PDS5B: variants seen among roughly 807,000 people sequenced by gnomAD.
PDS5B encodes sister chromatid cohesion protein PDS5 homolog B.
A neutral mutation model predicts 184.1 loss-of-function variants in PDS5B; 51 were observed. The observed-to-expected ratio is 0.28, with a 90% CI of 0.22 to 0.35. The LOEUF (loss-of-function observed/expected upper bound fraction) is 0.35, where lower values mean the gene tolerates loss of function less well. Among genes scored for constraint, PDS5B ranks in the 10% least tolerant of loss-of-function variants. The pLI, the probability that PDS5B is intolerant of heterozygous loss-of-function variation, is 1.00. For missense variants in PDS5B, 1,180 were observed against 1,723.3 expected (o/e 0.68, Z 5.58); for synonymous variants, 566 against 569.2 (o/e 0.99, Z 0.08).
chr13:32,771,439 T>G (rs1954781858), intron 33 of PDS5B, among the ~76,000 whole-genome samples: 1 of 152,190 alleles, frequency 6.6e-6, no homozygotes, highest in Non-Finnish European at 1.5e-5. Flanking sequence ...TCCTTAGTTA[T>G]GTGAGTGGAA....
chr13:32,675,001 A>G (rs934175582), intron 8 of PDS5B, among the ~76,000 whole-genome samples: 4 of 150,798 alleles, frequency 2.7e-5, no homozygotes, highest in African/African-American at 9.8e-5. Context: ...CAGGCTTGAG[A>G]TATAATTACT....
At chr13:32,672,600 T>C (rs888722040) in intron 7 of PDS5B, among the ~76,000 whole-genome samples, 1 of 152,182 alleles carries the variant, frequency 6.6e-6, no homozygotes, top group African/African-American at 2.4e-5. Flanking sequence ...CTTGAGAACC[T>C]AGCAGGGGAC....
In PDS5B at chr13:32,770,518, C is replaced by G; in HGVS notation, c.4022C>G (p.Ser1341Cys). 6.2e-7 allele frequency: 1 copy of G among 1,609,818 alleles called. No individual in the cohort carries two copies. The change falls in exon 32 of 35, where the codon TCC becomes TGC. Residue 1341 changes from serine (S) to cysteine (C), a missense_variant. Ser to Cys is a moderately radical substitution (Grantham distance 112). This residue lies in a region of PDS5B where 465 missense variants were observed against 497.8 expected (regional missense o/e 0.93). Transcript: ENST00000315596. ...CAAAGTGGAAATACGGAACAGAAGT[C>G]CAAAAGCAAACAGCACCGAGTGTCA... ...ERQSGNTEQK[S>C]KSKQHRVSRR...
chr13:32,697,234 T>C (rs901473004), intron 15 of PDS5B, among the ~76,000 whole-genome samples: 5 of 152,228 alleles, frequency 3.3e-5, no homozygotes, highest in Non-Finnish European at 1.5e-5. Context: ...TGAAAAAATA[T>C]TAATTTGCTT....
At chr13:32,727,584 G>A (rs1952954308) in intron 19 of PDS5B, among the ~76,000 whole-genome samples, 1 of 151,792 alleles carries the variant, frequency 6.6e-6, no homozygotes, top group Non-Finnish European at 1.5e-5. Flanking sequence ...TATAATTTTA[G>A]GTTTACAGTG....
intron 10 of PDS5B, among the ~76,000 whole-genome samples, chr13:32,681,232 T>C (rs1218645678): frequency 6.6e-6 from 1 of 152,166 alleles, no homozygotes; most frequent in Non-Finnish European, 1.5e-5. Flanking sequence ...CTTTCTCCCC[T>C]AGCTGAAATA....
intron 9 of PDS5B, 110 bp from the exon 10 acceptor site, chr13:32,678,725 C>T (rs1951143915): frequency 3.0e-6 from 2 of 657,620 alleles, no homozygotes; most frequent in Admixed American, 2.6e-5. Flanking sequence ...TTGCATTTTC[C>T]TTCATAAACT....
At chr13:32,601,185 T>A (rs2057968746) in intron 1 of PDS5B, among the ~76,000 whole-genome samples, 1 of 152,348 alleles carries the variant, frequency 6.6e-6, no homozygotes, top group Non-Finnish European at 1.5e-5. Flanking sequence ...ATTGCTTTCC[T>A]CTGTTTTCAA....
intron 7 of PDS5B, among the ~76,000 whole-genome samples, chr13:32,669,067 G>A (rs956013164): frequency 1.3e-5 from 2 of 152,114 alleles, no homozygotes; most frequent in Non-Finnish European, 2.9e-5. Flanking sequence ...TGTAAGTTAC[G>A]GGTACTGGCT....
At chr13:32,766,595 C>T (rs962760940) in intron 31 of PDS5B, among the ~76,000 whole-genome samples, 12 of 152,158 alleles carry the variant, frequency 7.9e-5, no homozygotes, top group South Asian at 6.2e-4. Context: ...TGAAAGAGCA[C>T]GGTCTCATTT....
intron 9 of PDS5B, among the ~76,000 whole-genome samples, chr13:32,676,493 C>A (rs1951066701): frequency 6.6e-6 from 1 of 152,138 alleles, no homozygotes; most frequent in Non-Finnish European, 1.5e-5. Context: ...GTGTATGTCA[C>A]TTTTCTGTGA....
intron 1 of PDS5B, among the ~76,000 whole-genome samples, chr13:32,593,865 G>A (rs1240298388): frequency 6.6e-6 from 1 of 152,058 alleles, no homozygotes; most frequent in Non-Finnish European, 1.5e-5. Flanking sequence ...GGTGGAAGAG[G>A]AGGCAGGAGA....
chr13:32,689,033 T>C (rs1361261384), intron 13 of PDS5B: 1 of 159,048 alleles, frequency 6.3e-6, no homozygotes, highest in Non-Finnish European at 1.4e-5. Context: ...TAAGCACAAA[T>C]ATATTTTTAT....
At chr13:32,678,277 A>G (rs1951127010) in intron 9 of PDS5B, among the ~76,000 whole-genome samples, 3 of 152,230 alleles carry the variant, frequency 2.0e-5, no homozygotes, top group African/African-American at 4.8e-5. Flanking sequence ...ACATATTTAC[A>G]GATGTAATGT....
chr13:32,680,743 A>G (rs1433377739), intron 10 of PDS5B, among the ~76,000 whole-genome samples: 2 of 152,146 alleles, frequency 1.3e-5, no homozygotes, highest in South Asian at 2.1e-4. Context: ...GCTAGTTCCT[A>G]TGCCTTTTGA....
intron 3 of PDS5B, among the ~76,000 whole-genome samples, chr13:32,655,371 T>TAC (rs1950481719): frequency 2.4e-5 from 1 of 41,090 alleles, no homozygotes; most frequent in African/African-American, 9.2e-5. Flanking sequence ...TATATATATA[T>TAC]ATATTTTTTT....
At chr13:32,701,288 G>A in intron 16 of PDS5B, 35 bp from the exon 17 acceptor site, 1 of 1,075,690 alleles carries the variant, frequency 9.3e-7, no homozygotes, top group Non-Finnish European at 1.4e-6. Context: ...TTGTTTAAAT[G>A]TACTTTTGTA....
intron 31 of PDS5B, among the ~76,000 whole-genome samples, chr13:32,767,462 C>A (rs1954620654): frequency 6.6e-6 from 1 of 152,120 alleles, no homozygotes; most frequent in Non-Finnish European, 1.5e-5. Context: ...GAAAATCTAT[C>A]CCTACCTATG....
rs375851215 is a variant in PDS5B at position 32,766,655 on chromosome 13, C to T, written c.3624+2061C>T. 1.0e-3 allele frequency among the ~76,000 whole-genome samples: 152 copies of T among 152,242 alleles called. 2 individuals are homozygous for T. The South Asian group carries it at 0.03, about 30-fold the overall frequency. On this transcript the variant is annotated intron_variant, in intron 31 of 34. Coordinates refer to ENST00000315596, the MANE Select transcript of PDS5B (RefSeq NM_015032.4). ...ATTTCACAGCAAAGGAATTATTTTCCATATACGTTTGTATTTAAATATTTA... is the reference window on the plus strand; with the variant it reads ...ATTTCACAGCAAAGGAATTATTTTCTATATACGTTTGTATTTAAATATTTA...
Sources: gnomAD v4.1 joint callset for allele counts (sites outside exome capture counted in the v4.1 genomes callset) on GRCh38, gnomAD v4.1.1 for gene constraint, gnomAD v4.1.1 regional missense constraint, MANE v1.5 for transcripts, NCBI Gene and HGNC (gene_info 2026-07-23, HGNC 2026-07-21) for gene names.